The following GPSM2 variants were observed in gnomAD, a reference collection of about 807,000 sequenced individuals.
The protein encoded by GPSM2 is G protein signaling modulator 2.
In GPSM2, 58 loss-of-function variants were observed where a neutral mutation model predicts 78.4. That is an observed-to-expected ratio of 0.74 (90% CI 0.60 to 0.92). GPSM2 has a LOEUF of 0.92. GPSM2 is among the 40% of genes least tolerant of loss of function. The pLI, the probability that GPSM2 is intolerant of heterozygous loss-of-function variation, is 0.00. For missense variants in GPSM2, 700 were observed against 815.5 expected (o/e 0.86, Z 1.73); for synonymous variants, 224 against 280.2 (o/e 0.80, Z 2.00).
intron 2 of GPSM2, among the ~76,000 whole-genome samples, chr1:108,889,896 T>G (rs1647848914): frequency 6.6e-6 from 1 of 152,176 alleles, no homozygotes; most frequent in Non-Finnish European, 1.5e-5. Flanking sequence ...CCTGGGACCT[T>G]ACTTCCTGCC....
At position 108,885,353 on chromosome 1, in the gene GPSM2, A is replaced by G; in HGVS notation, c.-170A>G. 2 of 525,194 alleles carry G rather than the reference A, an allele frequency of 3.8e-6. 1 individual carries two copies. Among genetic ancestry groups the G allele is most frequent in the South Asian group, 5.9e-5 (2 of 33,996 alleles). 32.5% of individuals were successfully genotyped at this position (525,194 alleles called of 1,614,324 possible). A position where few individuals can be genotyped will look rare whatever the true frequency, so the allele number is the denominator to read the frequency against. ...ATTTTGAACCTTTAAGCTGTCTGACATTGACCTCCTTTCATTATTAATAAA... is the reference window on the plus strand; with the variant it reads ...ATTTTGAACCTTTAAGCTGTCTGACGTTGACCTCCTTTCATTATTAATAAA... On this transcript the variant is annotated 5_prime_UTR_variant, in exon 2 of 15. Transcript: ENST00000264126.
At chr1:108,914,526 T>G in intron 11 of GPSM2, 118 bp downstream of exon 11, 1 of 762,876 alleles carries the variant, frequency 1.3e-6, no homozygotes, top group South Asian at 1.8e-5. Flanking sequence ...ACTTTAAAAT[T>G]TGCCTGTAAA....
rs1417153561 is a variant in GPSM2 at position 108,931,101 on chromosome 1, T to G, written c.*1161T>G. On this transcript the variant is annotated 3_prime_UTR_variant, in exon 15 of 15. Coordinates refer to ENST00000264126, the MANE Select transcript of GPSM2 (RefSeq NM_013296.5). ...TTTTGGGCTGTTTAAAAAAATTATTTAAAATGGTCTCTTCTGTTCCATAAT... is the reference window on the plus strand; with the variant it reads ...TTTTGGGCTGTTTAAAAAAATTATTGAAAATGGTCTCTTCTGTTCCATAAT... The G allele has an allele frequency of 5.8e-6, 2 of 343,700 alleles. No individual in the cohort carries two copies. The highest frequency in any genetic ancestry group is 1.0e-5 in the Non-Finnish European group (2 of 191,444). The allele number at this position is 343,700 out of a possible 1,614,324, so 21.3% of individuals were successfully genotyped here. A position where few individuals can be genotyped will look rare whatever the true frequency, so the allele number is the denominator to read the frequency against.
intron 11 of GPSM2, among the ~76,000 whole-genome samples, chr1:108,915,366 CTCA>C (rs1272908753): frequency 2.3e-5 from 2 of 86,436 alleles, no homozygotes; most frequent in African/African-American, 6.0e-5. Context: ...CGAGACTTGT[CTCA>C]AAAAAAAAAA....
rs1373526432 is a variant in GPSM2 at position 108,922,427 on chromosome 1, C to A, written c.1451C>A (p.Ala484Glu). The part of the protein sequence containing the change: ...RIPNSQRKIS[A>E]DTIGDEGFFD... The stretch of plus-strand genomic sequence containing the variant: ...CTCTCAATATTTTAGAAAATCAGTG[C>A]AGATACTATTGGAGATGAAGGGTTC... The change falls in exon 13 of 15, where the codon GCA (alanine) becomes GAA (glutamate). Residue 484 changes from alanine to glutamate, a missense_variant. Ala to Glu is a moderately radical substitution (Grantham distance 107, BLOSUM62 -1). Coordinates refer to ENST00000264126, the MANE Select transcript of GPSM2 (RefSeq NM_013296.5). 1.2e-6 allele frequency: 2 copies of A among 1,607,862 alleles called. No homozygotes were observed. The highest frequency in any genetic ancestry group is 4.5e-5 in the East Asian group (2 of 44,770).
intron 1 of GPSM2, among the ~76,000 whole-genome samples, chr1:108,877,927 G>A (rs970133989): frequency 5.3e-5 from 8 of 152,178 alleles, no homozygotes; most frequent in African/African-American, 1.9e-4. Flanking sequence ...AACGAGTAAG[G>A]ATGGAAATTT....
chr1:108,920,193 G>A (rs1001188335), intron 12 of GPSM2, among the ~76,000 whole-genome samples: 2 of 151,046 alleles, frequency 1.3e-5, no homozygotes, highest in Non-Finnish European at 2.9e-5. Context: ...AATTGGCTGG[G>A]CGCAGTGGCT....
intron 10 of GPSM2, among the ~76,000 whole-genome samples, chr1:108,911,799 ATTT>A (rs71069618): frequency 9.2e-5 from 10 of 108,722 alleles, no homozygotes; most frequent in African/African-American, 3.3e-4. Flanking sequence ...TGGGAAGACA[ATTT>A]TTTTTTTTTT....
chr1:108,907,414 G>A (rs1649323222), intron 10 of GPSM2, among the ~76,000 whole-genome samples: 1 of 152,114 alleles, frequency 6.6e-6, no homozygotes, highest in African/African-American at 2.4e-5. Flanking sequence ...GTTTCTGGGG[G>A]AAAGGCATCC....
chr1:108,934,244 A>G lies in GPSM2; in HGVS notation c.*4304A>G, dbSNP rs138203838. 6.0e-6 allele frequency: 1 copy of G among 166,042 alleles called. No homozygotes were observed. Among genetic ancestry groups the G allele is most frequent in the African/African-American group, 2.4e-5 (1 of 41,902 alleles). 10.3% of individuals were successfully genotyped at this position (166,042 alleles called of 1,614,324 possible). A position where few individuals can be genotyped will look rare whatever the true frequency, so the allele number is the denominator to read the frequency against. On this transcript the variant is annotated 3_prime_UTR_variant, in exon 15 of 15. Coordinates refer to ENST00000264126, the MANE Select transcript of GPSM2 (RefSeq NM_013296.5). ...GTAACGATACTCCATGGCTGCATGA[A>G]GATGCTGGAGGCATCAAGTGGGTGG...
chr1:108,931,230 T>G lies in GPSM2; in HGVS notation c.*1290T>G. The stretch of plus-strand genomic sequence containing the variant: ...GACACATAAACAAACAGAAAACAGA[T>G]GAAAACTCACAAAAATTAAATATGA... On this transcript the variant is annotated 3_prime_UTR_variant, in exon 15 of 15. Coordinates refer to ENST00000264126, the MANE Select transcript of GPSM2 (RefSeq NM_013296.5). 1 of 1,373,362 alleles carries G rather than the reference T, an allele frequency of 7.3e-7. No homozygotes were observed. Among genetic ancestry groups the G allele is most frequent in the Non-Finnish European group, 9.7e-7 (1 of 1,036,182 alleles). 85.1% of individuals were successfully genotyped at this position (1,373,362 alleles called of 1,614,324 possible). A position where few individuals can be genotyped will look rare whatever the true frequency, so the allele number is the denominator to read the frequency against.
At chr1:108,915,489 C>T (rs111858646) in intron 11 of GPSM2, among the ~76,000 whole-genome samples, 4,249 of 149,914 alleles carry the variant, frequency 0.028, 68 homozygotes, top group Non-Finnish European at 0.045. Context: ...TGCAGTGGCG[C>T]GATCTCAGCT....
chr1:108,877,092 C>CG lies in GPSM2; in HGVS notation c.-380dup, dbSNP rs1195966913. Reference sequence around the variant, plus strand: ...ACGAGCTCTGGCCCACGTGACCTGCCGGGGGCGGGAGCAGGGGGCGCGCCG... The same window carrying CG: ...ACGAGCTCTGGCCCACGTGACCTGCCGGGGGGCGGGAGCAGGGGGCGCGCCG... On this transcript the variant is annotated 5_prime_UTR_variant, in exon 1 of 15. Coordinates refer to ENST00000264126, the MANE Select transcript of GPSM2 (RefSeq NM_013296.5). 6.6e-6 allele frequency: 1 copy of CG among 152,160 alleles called. No homozygotes were observed. Among genetic ancestry groups the CG allele is most frequent in the African/African-American group, 2.4e-5 (1 of 41,434 alleles). The allele number at this position is 152,160 out of a possible 1,614,324, so 9.4% of individuals were successfully genotyped here.
rs1651916052 is a variant in GPSM2, at chr1:108,931,320, A to T, written c.*1380A>T. 2 of 1,547,614 alleles carry T rather than the reference A, an allele frequency of 1.3e-6. No individual in the cohort carries two copies. The highest frequency in any genetic ancestry group is 1.7e-6 in the Non-Finnish European group (2 of 1,145,190). ...TTGTCTTCCTTATCCCAGATATTGAAGGCAGTTTACAAGGGGATGATAACA... is the reference window on the plus strand; with the variant it reads ...TTGTCTTCCTTATCCCAGATATTGATGGCAGTTTACAAGGGGATGATAACA... On this transcript the variant is annotated 3_prime_UTR_variant, in exon 15 of 15. Coordinates refer to ENST00000264126, the MANE Select transcript of GPSM2 (RefSeq NM_013296.5).
chr1:108,887,227 A>G (rs1291239726), intron 2 of GPSM2, among the ~76,000 whole-genome samples: 1 of 152,076 alleles, frequency 6.6e-6, no homozygotes, highest in Admixed American at 6.5e-5. Context: ...CAAATTCTGA[A>G]ATGTTGGCAG....
In GPSM2 at chr1:108,931,716, A is replaced by T. The variant is rs1018202965; in HGVS notation, c.*1776A>T. The T allele has an allele frequency of 9.3e-6, 4 of 432,096 alleles. No homozygotes were observed. Among genetic ancestry groups the T allele is most frequent in the Non-Finnish European group, 1.4e-5 (4 of 278,172 alleles). 26.8% of individuals were successfully genotyped at this position (432,096 alleles called of 1,614,324 possible). A position where few individuals can be genotyped will look rare whatever the true frequency, so the allele number is the denominator to read the frequency against. ...GGTATGATGTCCTGGATAGCATTTT[A>T]AAAACTCAGGTAAGTTTCATGGGGT... is the stretch of plus-strand genomic sequence containing the variant. On this transcript the variant is annotated 3_prime_UTR_variant, in exon 15 of 15. Coordinates refer to ENST00000264126, the MANE Select transcript of GPSM2 (RefSeq NM_013296.5).
chr1:108,907,911 C>A (rs1181034472), intron 10 of GPSM2, among the ~76,000 whole-genome samples: 1 of 152,124 alleles, frequency 6.6e-6, no homozygotes, highest in East Asian at 1.9e-4. Context: ...TGTTAACACA[C>A]CTCAATAATT....
intron 14 of GPSM2, chr1:108,929,372 G>T (rs1389987758): frequency 3.1e-6 from 1 of 325,440 alleles, no homozygotes; most frequent in South Asian, 3.1e-5. Flanking sequence ...GTCATACTTA[G>T]ATACAGTTGA....
intron 8 of GPSM2, 133 bp downstream of exon 8, chr1:108,902,078 C>G: frequency 1.5e-6 from 1 of 673,020 alleles, no homozygotes; most frequent in Non-Finnish European, 2.7e-6. Context: ...TCAGTGATAT[C>G]CTCTGTATAT....
Sources: allele counts gnomAD v4.1 joint callset (sites outside exome capture counted in the v4.1 genomes callset), GRCh38; gene constraint gnomAD v4.1.1; transcripts MANE v1.5; gene names NCBI Gene and HGNC (gene_info 2026-07-23, HGNC 2026-07-21).